The following SLC44A3 variants were observed in gnomAD, a reference collection of about 807,000 sequenced individuals.
SLC44A3 encodes the protein choline transporter-like protein 3.
Under a neutral mutation model 75.4 loss-of-function variants are expected in SLC44A3, and 74 were observed. The observed-to-expected ratio is 0.98, with a 90% confidence interval of 0.81 to 1.19. The LOEUF is 1.19. Among genes scored for constraint, SLC44A3 ranks in the 50% most tolerant of loss-of-function variants. The pLI, the probability that SLC44A3 is intolerant of heterozygous loss-of-function variation, is 0.00. For synonymous variants in SLC44A3, 310 were observed against 296.9 expected (o/e 1.04, Z -0.45); for missense variants, 700 against 778.6 (o/e 0.90, Z 1.20).
At position 94,836,568 on chromosome 1, in the gene SLC44A3, C is replaced by A. The variant is rs574840932; in HGVS notation, c.510-1143C>A. On this transcript the variant is annotated intron_variant, in intron 5 of 14. Coordinates refer to ENST00000271227, the MANE Select transcript of SLC44A3 (RefSeq NM_001114106.3). The stretch of plus-strand genomic sequence containing the variant: ...AATAGTTCCTTACAGAAATACAATT[C>A]TTTTGTTGGGGTTGGTAGTTTGTGT... Among the ~76,000 whole-genome samples the A allele has an allele frequency of 3.2e-3, 485 of 152,246 alleles. 5 individuals are homozygous for A. Among genetic ancestry groups the A allele is most frequent in the African/African-American group, 0.011 (454 of 41,558 alleles).
chr1:94,870,969 C>T (rs1557868488), intron 12 of SLC44A3, among the ~76,000 whole-genome samples: 1 of 152,206 alleles, frequency 6.6e-6, no homozygotes, highest in African/African-American at 2.4e-5. Context: ...GCATGAGCCA[C>T]CATTCGTGGC....
intron 9 of SLC44A3, among the ~76,000 whole-genome samples, chr1:94,851,428 G>A (rs1017178224): frequency 2.0e-5 from 3 of 152,162 alleles, no homozygotes; most frequent in Admixed American, 1.3e-4. Flanking sequence ...AAGGAAATAT[G>A]CATCCCTTAG....
intron 5 of SLC44A3, among the ~76,000 whole-genome samples, chr1:94,831,431 A>G (rs1029000184): frequency 6.6e-6 from 1 of 152,226 alleles, no homozygotes; most frequent in African/African-American, 2.4e-5. Context: ...AACATTTTCT[A>G]AATACCTCTT....
chr1:94,849,298 C>G (rs961836935), intron 9 of SLC44A3, among the ~76,000 whole-genome samples: 3 of 152,152 alleles, frequency 2.0e-5, no homozygotes, highest in African/African-American at 7.2e-5. Context: ...CATCTATGAG[C>G]AGGTCGATTT....
intron 12 of SLC44A3, among the ~76,000 whole-genome samples, chr1:94,887,868 G>A (rs538139894): frequency 6.1e-4 from 93 of 152,266 alleles, no homozygotes; most frequent in East Asian, 5.8e-4. Context: ...ATCCCTGTGG[G>A]TGTGAGGGAT....
At chr1:94,871,341 C>T (rs1571382000) in intron 12 of SLC44A3, among the ~76,000 whole-genome samples, 1 of 152,334 alleles carries the variant, frequency 6.6e-6, no homozygotes, top group Admixed American at 6.5e-5. Flanking sequence ...GGCCCCTCCT[C>T]CTTTCCTCAG....
chr1:94,840,934 C>T (rs188539244), intron 7 of SLC44A3, among the ~76,000 whole-genome samples: 1 of 152,154 alleles, frequency 6.6e-6, no homozygotes, highest in African/African-American at 2.4e-5. Context: ...AGGCAGCAGC[C>T]ATTTACCAAC....
In SLC44A3 at chr1:94,842,001, T is replaced by C. The variant is rs1181046929; in HGVS notation, c.762T>C (p.Phe254=). 1 of 1,609,392 alleles carries C rather than the reference T, an allele frequency of 6.2e-7. No homozygotes were observed. The highest frequency in any genetic ancestry group is 8.5e-7 in the Non-Finnish European group (1 of 1,178,420). The part of the protein sequence containing the change: ...FISLVILGLL[F]VCGVLWWLYY... ...CTCTGCTACTGTTCTCTTTTCTAGTTGTCTGCGGTGTTTTATGGTGGCTGT... is the reference window on the plus strand; with the variant it reads ...CTCTGCTACTGTTCTCTTTTCTAGTCGTCTGCGGTGTTTTATGGTGGCTGT... Residue 254 remains phenylalanine (F), a splice_region_variant and synonymous_variant, in exon 8 of 15, where the codon TTT becomes TTC. Coordinates refer to ENST00000271227, the MANE Select transcript of SLC44A3 (RefSeq NM_001114106.3).
rs1471707509 is a variant in SLC44A3, at chr1:94,850,266, G to A, written c.1072+4802G>A. On this transcript the variant is annotated intron_variant, in intron 9 of 14. Transcript: ENST00000271227. ...AACAATGACATTTAGTAGTCCATTG[G>A]GATTTGTCTGGTACCAGCAATAAGA... 3.3e-5 allele frequency among the ~76,000 whole-genome samples: 5 copies of A among 152,034 alleles called. No homozygotes were observed. In the East Asian group the frequency reaches 9.7e-4, roughly 29 times the overall value.
chr1:94,890,228 C>T (rs1200641534), intron 12 of SLC44A3, among the ~76,000 whole-genome samples: 1 of 152,148 alleles, frequency 6.6e-6, no homozygotes, highest in African/African-American at 2.4e-5. Context: ...TCCTTATGGT[C>T]ACTGTTTCTT....
intron 1 of SLC44A3, 147 bp downstream of exon 1, chr1:94,820,625 C>A: frequency 7.3e-7 from 1 of 1,367,112 alleles, no homozygotes; most frequent in Non-Finnish European, 9.4e-7. Context: ...GGCCACCTGG[C>A]GGGGAGGAAC....
chr1:94,859,281 T>C (rs769347560), intron 10 of SLC44A3, among the ~76,000 whole-genome samples: 1 of 152,200 alleles, frequency 6.6e-6, no homozygotes, highest in Non-Finnish European at 1.5e-5. Context: ...TATGCATTTA[T>C]CTCCTAATCT....
At position 94,890,434 on chromosome 1, in the gene SLC44A3, C is replaced by T. The variant is rs1316768066; in HGVS notation, c.1483-696C>T. On this transcript the variant is annotated intron_variant, in intron 12 of 14. Coordinates refer to ENST00000271227, the MANE Select transcript of SLC44A3 (RefSeq NM_001114106.3). ...CCTGGCCTGGGAGGTGGCGATGTTGCTTTGCCTTTGCAAAACCCTAGTAAT... is the reference window on the plus strand; with the variant it reads ...CCTGGCCTGGGAGGTGGCGATGTTGTTTTGCCTTTGCAAAACCCTAGTAAT... 2.0e-5 allele frequency among the ~76,000 whole-genome samples: 3 copies of T among 152,194 alleles called. No individual in the cohort carries two copies. In the East Asian group the frequency reaches 5.8e-4, roughly 29 times the overall value.
chr1:94,891,406 A>C, intron 13 of SLC44A3, 139 bp downstream of exon 13: 1 of 903,146 alleles, frequency 1.1e-6, no homozygotes, highest in Non-Finnish European at 1.6e-6. Flanking sequence ...TTAATCCTCA[A>C]TCCCATGAGG....
intron 9 of SLC44A3, among the ~76,000 whole-genome samples, chr1:94,852,228 T>C (rs1191705639): frequency 2.6e-5 from 4 of 152,200 alleles, no homozygotes; most frequent in Non-Finnish European, 5.9e-5. Context: ...GTCAATGTTA[T>C]AGTACTTTAA....
At chr1:94,891,303 T>A in intron 13 of SLC44A3, 36 bp downstream of exon 13, 4 of 1,565,132 alleles carry the variant, frequency 2.6e-6, no homozygotes, top group Non-Finnish European at 8.6e-7. Flanking sequence ...AGCCTGGGAT[T>A]CTGAAAATTA....
chr1:94,851,815 C>T (rs1665248687), intron 9 of SLC44A3, among the ~76,000 whole-genome samples: 1 of 152,242 alleles, frequency 6.6e-6, no homozygotes, highest in Non-Finnish European at 1.5e-5. Flanking sequence ...ACAGAATGTG[C>T]TGGAAAGTAG....
intron 5 of SLC44A3, among the ~76,000 whole-genome samples, chr1:94,832,044 G>T (rs1325977289): frequency 6.6e-6 from 1 of 152,046 alleles, no homozygotes; most frequent in South Asian, 2.1e-4. Context: ...GCAGGCGCCT[G>T]TAATCCCAGC....
intron 10 of SLC44A3, 49 bp downstream of exon 10, chr1:94,857,549 T>G: frequency 1.3e-6 from 2 of 1,506,266 alleles, no homozygotes; most frequent in Non-Finnish European, 1.8e-6. Flanking sequence ...GGTTTATCTA[T>G]GTGCTTCATG....
Sources: allele counts gnomAD v4.1 joint callset (sites outside exome capture counted in the v4.1 genomes callset), GRCh38; gene constraint gnomAD v4.1.1; transcripts MANE v1.5; gene names NCBI Gene and HGNC (gene_info 2026-07-23, HGNC 2026-07-21).